GNAQ: variants seen among roughly 807,000 people sequenced by gnomAD.
The protein encoded by GNAQ is G protein subunit alpha q.
Under a neutral mutation model 43.9 loss-of-function variants are expected in GNAQ, and 8 were observed. That is an observed-to-expected ratio of 0.18 (90% confidence interval 0.11 to 0.33). The LOEUF (loss-of-function observed/expected upper bound fraction) is 0.33. Ranked by LOEUF, GNAQ falls within the 10% of genes least tolerant of loss-of-function variation. GNAQ has a pLI of 1.00. For synonymous variants in GNAQ, 155 were observed against 170.7 expected (o/e 0.91, Z 0.71); for missense variants, 158 against 450.8 (o/e 0.35, Z 5.88).
intron 1 of GNAQ, among the ~76,000 whole-genome samples, chr9:77,969,442 C>G (rs955214652): frequency 1.3e-5 from 2 of 152,092 alleles, no homozygotes. Context: ...TAGCCTGATG[C>G]GACAGCCAAT....
chr9:77,877,416 C>CTT (rs1828142092), intron 2 of GNAQ, among the ~76,000 whole-genome samples: 1 of 152,148 alleles, frequency 6.6e-6, no homozygotes, highest in South Asian at 2.1e-4. Flanking sequence ...CTCATCAGTT[C>CTT]TTTTCAAGGA....
intron 1 of GNAQ, among the ~76,000 whole-genome samples, chr9:77,988,218 AT>A (rs1334392684): frequency 6.6e-6 from 1 of 152,240 alleles, no homozygotes; most frequent in Non-Finnish European, 1.5e-5. Flanking sequence ...GCCCTCTAAC[AT>A]TTTAGCTTCA....
chr9:77,913,109 A>C (rs1282540127), intron 2 of GNAQ, among the ~76,000 whole-genome samples: 1 of 152,190 alleles, frequency 6.6e-6, no homozygotes, highest in East Asian at 1.9e-4. Context: ...CACTCTGGAA[A>C]ACTCATTGGC....
intron 4 of GNAQ, among the ~76,000 whole-genome samples, chr9:77,797,063 C>A (rs138465862): frequency 3.9e-5 from 6 of 151,946 alleles, no homozygotes; most frequent in African/African-American, 1.5e-4. Flanking sequence ...GATGGAGTCT[C>A]GCTTCGTAAC....
intron 2 of GNAQ, among the ~76,000 whole-genome samples, chr9:77,839,745 T>G (rs1000481894): frequency 2.0e-5 from 3 of 152,218 alleles, no homozygotes; most frequent in Non-Finnish European, 4.4e-5. Context: ...GGAAACACTG[T>G]TATTAAATTT....
At chr9:77,870,629 G>T (rs1828023323) in intron 2 of GNAQ, among the ~76,000 whole-genome samples, 1 of 151,844 alleles carries the variant, frequency 6.6e-6, no homozygotes, top group African/African-American at 2.4e-5. Context: ...CCCGCCTTTG[G>T]TGCTAGTTTT....
chr9:77,839,039 A>G (rs889475680), intron 2 of GNAQ, among the ~76,000 whole-genome samples: 2 of 152,232 alleles, frequency 1.3e-5, no homozygotes, highest in Non-Finnish European at 1.5e-5. Context: ...TTTGGGGTCC[A>G]TACTGGCTGG....
chr9:77,815,490 C>A, intron 3 of GNAQ, 126 bp downstream of exon 3: 1 of 575,628 alleles, frequency 1.7e-6, no homozygotes, highest in South Asian at 2.9e-5. Context: ...ATCTATATTC[C>A]CTAACTTTTA....
chr9:77,965,449 A>C (rs1051441302), intron 1 of GNAQ, among the ~76,000 whole-genome samples: 1 of 152,232 alleles, frequency 6.6e-6, no homozygotes, highest in Non-Finnish European at 1.5e-5. Context: ...CAAGGAGAAA[A>C]TACTTGCAAA....
At chr9:77,790,186 G>A (rs916258513) in intron 5 of GNAQ, among the ~76,000 whole-genome samples, 2 of 152,120 alleles carry the variant, frequency 1.3e-5, no homozygotes, top group Admixed American at 6.5e-5. Flanking sequence ...TTCAATTAAC[G>A]ATCAGAGACC....
chr9:77,767,503 A>G (rs1826155941), intron 5 of GNAQ, among the ~76,000 whole-genome samples: 1 of 118,358 alleles, frequency 8.4e-6, no homozygotes, highest in African/African-American at 3.2e-5. Context: ...TAATCTCACT[A>G]AGGCACTCAG....
At chr9:77,910,855 G>A (rs773925877) in intron 2 of GNAQ, among the ~76,000 whole-genome samples, 21 of 152,130 alleles carry the variant, frequency 1.4e-4, no homozygotes, top group Non-Finnish European at 2.5e-4. Context: ...ACATTAATTT[G>A]CTTAACACCA....
intron 2 of GNAQ, among the ~76,000 whole-genome samples, chr9:77,833,037 G>A (rs975231256): frequency 3.3e-5 from 5 of 152,044 alleles, no homozygotes; most frequent in Admixed American, 2.6e-4. Flanking sequence ...CACGATCTCG[G>A]CTCACTGCAA....
chr9:77,782,568 T>C (rs1401613025), intron 5 of GNAQ, among the ~76,000 whole-genome samples: 1 of 152,154 alleles, frequency 6.6e-6, no homozygotes, highest in Non-Finnish European at 1.5e-5. Context: ...GGTACAGCCA[T>C]TTTGGAAGAC....
At chr9:77,749,868 G>A (rs1040510450) in intron 5 of GNAQ, among the ~76,000 whole-genome samples, 5 of 151,994 alleles carry the variant, frequency 3.3e-5, no homozygotes, top group African/African-American at 1.2e-4. Flanking sequence ...TTGATTTTAC[G>A]ACCCAGTAAA....
intron 2 of GNAQ, among the ~76,000 whole-genome samples, chr9:77,883,454 G>T (rs942241744): frequency 6.6e-6 from 1 of 150,818 alleles, no homozygotes; most frequent in Non-Finnish European, 1.5e-5. Context: ...GAAAAAAGGG[G>T]GTAGTTTTTT....
At chr9:78,018,988 T>A (rs1018161161) in intron 1 of GNAQ, among the ~76,000 whole-genome samples, 1 of 152,136 alleles carries the variant, frequency 6.6e-6, no homozygotes, top group African/African-American at 2.4e-5. Context: ...TCTGTTCTCA[T>A]AACAAGCATG....
At chr9:77,846,146 A>G (rs1827582296) in intron 2 of GNAQ, among the ~76,000 whole-genome samples, 1 of 152,230 alleles carries the variant, frequency 6.6e-6, no homozygotes, top group African/African-American at 2.4e-5. Flanking sequence ...TTTGCGTAAT[A>G]TAATTTAAAA....
chr9:77,984,755 A>C (rs1351658876), intron 1 of GNAQ, among the ~76,000 whole-genome samples: 1 of 152,162 alleles, frequency 6.6e-6, no homozygotes, highest in Non-Finnish European at 1.5e-5. Flanking sequence ...CCACATTTTG[A>C]GAAACTCTGC....
Sources: gnomAD v4.1 joint callset for allele counts (sites outside exome capture counted in the v4.1 genomes callset) on GRCh38, gnomAD v4.1.1 for gene constraint, MANE v1.5 for transcripts, NCBI Gene and HGNC (gene_info 2026-07-23, HGNC 2026-07-21) for gene names.